Variants in CMIP observed in about 807,000 individuals in gnomAD.
CMIP encodes the protein c-Maf inducing protein.
Under a neutral mutation model 97.3 loss-of-function variants are expected in CMIP, and 13 were observed. The ratio of observed to expected loss-of-function variants is 0.13; its 90% CI spans 0.09 to 0.21. The LOEUF (loss-of-function observed/expected upper bound fraction) is 0.21, where lower values mean the gene tolerates loss of function less well. Ranked by LOEUF, CMIP falls within the 10% of genes least tolerant of loss-of-function variation. The pLI, the probability that CMIP is intolerant of heterozygous loss-of-function variation, is 1.00. For missense variants in CMIP, 847 were observed against 1,024.9 expected (o/e 0.83, Z 2.37); for synonymous variants, 538 against 436.3 (o/e 1.23, Z -2.91).
intron 1 of CMIP, among the ~76,000 whole-genome samples, chr16:81,568,043 T>TTTG (rs2091015298): frequency 1.9e-5 from 1 of 51,808 alleles, no homozygotes; most frequent in African/African-American, 6.1e-5. Flanking sequence ...GTGTGTGTTT[T>TTTG]TTTTTTTTTT....
At chr16:81,455,596 C>T (rs560294236) in intron 1 of CMIP, among the ~76,000 whole-genome samples, 4 of 152,266 alleles carry the variant, frequency 2.6e-5, no homozygotes, top group African/African-American at 7.2e-5. Flanking sequence ...CAGGGGATTG[C>T]GTACATGGTG....
chr16:81,700,630 A>T (rs993973793), intron 15 of CMIP: 2 of 152,482 alleles, frequency 1.3e-5, no homozygotes, highest in Non-Finnish European at 2.9e-5. Context: ...AAGAGTTGGC[A>T]GGCGCAGCAA....
chr16:81,471,434 A>G (rs1257466352), intron 1 of CMIP, among the ~76,000 whole-genome samples: 1 of 151,852 alleles, frequency 6.6e-6, no homozygotes, highest in Non-Finnish European at 1.5e-5. Flanking sequence ...ACATGCACAT[A>G]CATTTGTACA....
At chr16:81,557,312 A>G (rs1388693288) in intron 1 of CMIP, among the ~76,000 whole-genome samples, 1 of 123,604 alleles carries the variant, frequency 8.1e-6, no homozygotes, top group East Asian at 2.2e-4. Context: ...GAATTTACTG[A>G]TGTTGGTTGA....
chr16:81,560,475 C>T (rs113656285), intron 1 of CMIP, among the ~76,000 whole-genome samples: 82 of 152,308 alleles, frequency 5.4e-4, no homozygotes, highest in Admixed American at 1.9e-3. Flanking sequence ...GCCTCGGCCT[C>T]CCAAAGTGCT....
At chr16:81,576,895 T>C (rs905610632) in intron 1 of CMIP, among the ~76,000 whole-genome samples, 2 of 152,080 alleles carry the variant, frequency 1.3e-5, no homozygotes, top group Non-Finnish European at 2.9e-5. Flanking sequence ...TACTTGGTCG[T>C]AGTGGAGGCT....
rs754696420 is a variant in CMIP at position 81,652,298 on chromosome 16, A to G, written c.573A>G (p.Thr191=). The G allele has an allele frequency of 6.2e-7, 1 of 1,613,956 alleles. No individual in the cohort carries two copies. ...GGACCCTGGTGGACATGGCCCTGAC[A>G]TCCCCCCTGCAGGATGACTCCATCA... ...EIRTLVDMAL[T]SPLQDDSINQ... is the part of the protein sequence containing the mutation. Residue 191 remains threonine, a synonymous_variant, in exon 4 of 21, where the codon ACA becomes ACG. Transcript: ENST00000537098. The surrounding 1 kb of genome is among the most constrained non-coding windows in gnomAD (Gnocchi z 5.2).
At chr16:81,481,549 G>A (rs575714620) in intron 1 of CMIP, among the ~76,000 whole-genome samples, 22 of 152,352 alleles carry the variant, frequency 1.4e-4, no homozygotes, top group African/African-American at 4.1e-4. Context: ...GGCCATGCCA[G>A]GGCCAGAGCG....
chr16:81,568,314 C>A (rs1002275707), intron 1 of CMIP, among the ~76,000 whole-genome samples: 1 of 152,186 alleles, frequency 6.6e-6, no homozygotes, highest in Non-Finnish European at 1.5e-5. Context: ...TCACCTCTTT[C>A]TCCCCACTGC....
At chr16:81,661,997 G>A (rs767077340) in intron 6 of CMIP, among the ~76,000 whole-genome samples, 3 of 150,740 alleles carry the variant, frequency 2.0e-5, no homozygotes, top group Non-Finnish European at 4.4e-5. Context: ...ACACCCGTGA[G>A]TGTGTGTGTG....
chr16:81,613,584 A>G (rs1467991960), intron 2 of CMIP, among the ~76,000 whole-genome samples: 1 of 152,214 alleles, frequency 6.6e-6, no homozygotes, highest in African/African-American at 2.4e-5. Flanking sequence ...AGGCTCGTAG[A>G]TATTACATGT....
chr16:81,692,200 C>T (rs181553223), intron 11 of CMIP, among the ~76,000 whole-genome samples: 97 of 152,320 alleles, frequency 6.4e-4, no homozygotes, highest in East Asian at 1.4e-3. Flanking sequence ...ACCTGCCGCT[C>T]CTCTTCCGAG....
intron 1 of CMIP, among the ~76,000 whole-genome samples, chr16:81,507,297 G>C (rs2089727467): frequency 6.6e-6 from 1 of 152,094 alleles, no homozygotes; most frequent in Non-Finnish European, 1.5e-5. Context: ...GCTTTCTGGG[G>C]GTCTTGGGTA....
intron 1 of CMIP, among the ~76,000 whole-genome samples, chr16:81,509,609 G>C (rs1030543068): frequency 1.8e-4 from 28 of 152,300 alleles, no homozygotes; most frequent in African/African-American, 6.3e-4. Context: ...GCCTCCCTCT[G>C]GTCATCCTGA....
chr16:81,554,230 A>C (rs1427916336), intron 1 of CMIP, among the ~76,000 whole-genome samples: 1 of 152,230 alleles, frequency 6.6e-6, no homozygotes, highest in Non-Finnish European at 1.5e-5. Context: ...TTATCTCTGA[A>C]TTAACAAATG....
chr16:81,640,488 G>C (rs1420807225), intron 3 of CMIP, among the ~76,000 whole-genome samples: 1 of 152,198 alleles, frequency 6.6e-6, no homozygotes, highest in Non-Finnish European at 1.5e-5. Context: ...GCTCCTTACA[G>C]CTGTCTGGGC....
intron 1 of CMIP, among the ~76,000 whole-genome samples, chr16:81,585,342 A>G (rs2091363901): frequency 6.6e-6 from 1 of 152,198 alleles, no homozygotes; most frequent in Non-Finnish European, 1.5e-5. Context: ...CTCTGTCTCA[A>G]AAAATAATAA....
intron 3 of CMIP, among the ~76,000 whole-genome samples, chr16:81,649,727 C>G (rs79536896): frequency 0.018 from 2,758 of 152,306 alleles, 90 homozygotes; most frequent in African/African-American, 0.063. Flanking sequence ...TCAGAAGAGT[C>G]CACTTAGAGC....
intron 2 of CMIP, among the ~76,000 whole-genome samples, chr16:81,610,765 G>A (rs917476409): frequency 2.0e-5 from 3 of 152,160 alleles, no homozygotes; most frequent in African/African-American, 4.8e-5. Context: ...CTTGGCCCCT[G>A]GTGTGGTACT....
Sources: gnomAD v4.1 joint callset for allele counts (sites outside exome capture counted in the v4.1 genomes callset) on GRCh38, gnomAD v4.1.1 for gene constraint, Gnocchi (gnomAD v3.1) non-coding constraint, MANE v1.5 for transcripts, NCBI Gene and HGNC (gene_info 2026-07-23, HGNC 2026-07-21) for gene names.